Variants in RNF4 observed in about 807,000 individuals in gnomAD.
The protein encoded by RNF4 is E3 ubiquitin-protein ligase RNF4.
Under a neutral mutation model 24.3 loss-of-function variants are expected in RNF4, and 7 were observed. The ratio of observed to expected loss-of-function variants is 0.29; its 90% CI spans 0.16 to 0.54. RNF4 has a LOEUF of 0.54. RNF4 is among the 20% of genes least tolerant of loss of function. RNF4 has a pLI of 0.95. For synonymous variants in RNF4, 83 were observed against 84.3 expected (o/e 0.98, Z 0.09); for missense variants, 209 against 248.5 (o/e 0.84, Z 1.07).
chr4:2,500,683 C>G lies in RNF4; in HGVS notation c.149C>G (p.Thr50Ser), dbSNP rs1560410190. ...ETAGDEIVDL[T>S]CESLEPVVVD... ...GCTGGAGATGAAATTGTGGACCTCA[C>G]TTGTGAATCTTTAGAGCCTGTGGTG... The change falls in exon 4 of 8, where the codon ACT (threonine) becomes AGT (serine). Residue 50 changes from threonine (T) to serine (S), a missense_variant. Transcript: ENST00000314289. The G allele has an allele frequency of 6.2e-7, 1 of 1,613,888 alleles. No individual in the cohort carries two copies.
intron 1 of RNF4, among the ~76,000 whole-genome samples, chr4:2,476,606 C>G (rs1017590651): frequency 1.3e-5 from 2 of 152,084 alleles, no homozygotes; most frequent in Non-Finnish European, 2.9e-5. Context: ...GTTGGCCAGC[C>G]TGTCTCGAAC....
chr4:2,503,220 TC>T (rs1164704057), intron 4 of RNF4, among the ~76,000 whole-genome samples: 1 of 152,166 alleles, frequency 6.6e-6, no homozygotes, highest in African/African-American at 2.4e-5. Flanking sequence ...TAAAAGGGCT[TC>T]CTCTCTGAAC....
intron 1 of RNF4, among the ~76,000 whole-genome samples, chr4:2,472,550 G>C (rs1353893567): frequency 6.8e-6 from 1 of 147,404 alleles, no homozygotes; most frequent in Non-Finnish European, 1.5e-5. Flanking sequence ...TCAGGAGTTA[G>C]AGACCAGCCG....
At chr4:2,474,184 G>A (rs1305664789) in intron 1 of RNF4, among the ~76,000 whole-genome samples, 1 of 150,998 alleles carries the variant, frequency 6.6e-6, no homozygotes, top group African/African-American at 2.4e-5. Flanking sequence ...AACCATCCTG[G>A]CTAACACGGT....
chr4:2,474,056 G>A (rs1230967292), intron 1 of RNF4, among the ~76,000 whole-genome samples: 2 of 151,848 alleles, frequency 1.3e-5, no homozygotes, highest in African/African-American at 4.8e-5. Context: ...ACTCAAGCGT[G>A]GACAATAGAG....
chr4:2,500,749 G>C lies in RNF4; in HGVS notation c.204+11G>C. ...AATGACTCTGTTGTGGTAAGTGTTG[G>C]AGTGTGAGAGTCGGCTGTTTCTTGG... is the stretch of plus-strand genomic sequence containing the variant. On this transcript the variant is annotated intron_variant, in intron 4 of 7. Coordinates refer to ENST00000314289, the MANE Select transcript of RNF4 (RefSeq NM_002938.5). 1.2e-6 allele frequency: 2 copies of C among 1,613,298 alleles called. No homozygotes were observed. Among genetic ancestry groups the C allele is most frequent in the South Asian group, 1.1e-5 (1 of 90,944 alleles).
At chr4:2,483,514 G>A (rs1326640497) in intron 1 of RNF4, among the ~76,000 whole-genome samples, 1 of 152,212 alleles carries the variant, frequency 6.6e-6, no homozygotes, top group Non-Finnish European at 1.5e-5. Flanking sequence ...TGTTTAAGAG[G>A]TGTTTGTGAA....
rs777851085 is a variant in RNF4, at chr4:2,497,090, G to A, written c.93G>A (p.Leu31=). The change falls in exon 3 of 8, where the codon TTG becomes TTA. Residue 31 remains leucine, a synonymous_variant. Coordinates refer to ENST00000314289, the MANE Select transcript of RNF4 (RefSeq NM_002938.5). ...REATSTPEIS[L]EAEPIELVET... ...CAACCTCCACCCCCGAGATCTCCTT[G>A]GAAGCAGAACCCATAGAACTCGTGG... The A allele has an allele frequency of 3.1e-6, 5 of 1,609,372 alleles. No homozygotes were observed. In the Admixed American group the frequency reaches 5.1e-5, roughly 16 times the overall value.
At chr4:2,508,059 T>C (rs1736155661) in intron 4 of RNF4, among the ~76,000 whole-genome samples, 1 of 152,108 alleles carries the variant, frequency 6.6e-6, no homozygotes, top group Non-Finnish European at 1.5e-5. Flanking sequence ...TTGCCCAGGA[T>C]GGTCTCGACC....
At chr4:2,490,738 A>G (rs1420732111) in intron 2 of RNF4, 1 of 457,834 alleles carries the variant, frequency 2.2e-6, no homozygotes, top group African/African-American at 1.9e-5. Flanking sequence ...GGAATAGCTT[A>G]GGGTTTGGTA....
chr4:2,481,689 T>C (rs926423812), intron 1 of RNF4, among the ~76,000 whole-genome samples: 2 of 152,022 alleles, frequency 1.3e-5, no homozygotes, highest in Non-Finnish European at 2.9e-5. Context: ...GAGCCAGTGA[T>C]TTTTTTGACT....
intron 1 of RNF4, among the ~76,000 whole-genome samples, chr4:2,483,649 C>G (rs1438467607): frequency 6.6e-6 from 1 of 151,842 alleles, no homozygotes; most frequent in African/African-American, 2.4e-5. Flanking sequence ...ACTAAAAATA[C>G]AAAAATTAGC....
At chr4:2,504,880 G>A (rs1158430844) in intron 4 of RNF4, among the ~76,000 whole-genome samples, 4 of 151,454 alleles carry the variant, frequency 2.6e-5, no homozygotes, top group African/African-American at 4.9e-5. Flanking sequence ...CTACAGGCAC[G>A]CACCACCATG....
At chr4:2,509,597 C>T (rs1736207850) in intron 4 of RNF4, among the ~76,000 whole-genome samples, 1 of 152,078 alleles carries the variant, frequency 6.6e-6, no homozygotes, top group Non-Finnish European at 1.5e-5. Context: ...AGAATTGTTA[C>T]CAGTGAGGAA....
intron 4 of RNF4, among the ~76,000 whole-genome samples, chr4:2,502,843 CAAA>C (rs61616696): frequency 1.3e-4 from 17 of 130,742 alleles, no homozygotes; most frequent in South Asian, 2.5e-4. Flanking sequence ...GACTCTGTCT[CAAA>C]AAAAAAAAAA....
chr4:2,472,022 G>C (rs1734923029), intron 1 of RNF4, among the ~76,000 whole-genome samples: 1 of 152,138 alleles, frequency 6.6e-6, no homozygotes, highest in South Asian at 2.1e-4. Flanking sequence ...AAATGAAACA[G>C]CCTTATATGG....
intron 4 of RNF4, among the ~76,000 whole-genome samples, chr4:2,502,683 A>AG (rs1178835653): frequency 6.6e-6 from 1 of 151,232 alleles, no homozygotes; most frequent in Non-Finnish European, 1.5e-5. Flanking sequence ...AAAAAAAAAA[A>AG]AAATACAAAA....
intron 1 of RNF4, among the ~76,000 whole-genome samples, chr4:2,490,101 C>T (rs1735536313): frequency 6.6e-6 from 1 of 151,970 alleles, no homozygotes; most frequent in Admixed American, 6.6e-5. Flanking sequence ...GTGGCAGGAG[C>T]CAGGAAGAAG....
At chr4:2,478,257 A>G (rs1209130299) in intron 1 of RNF4, among the ~76,000 whole-genome samples, 1 of 152,252 alleles carries the variant, frequency 6.6e-6, no homozygotes, top group African/African-American at 2.4e-5. Context: ...GAAGCAGAGC[A>G]TAAAAGTTTG....
Sources: gnomAD v4.1 joint callset for allele counts (sites outside exome capture counted in the v4.1 genomes callset) on GRCh38, gnomAD v4.1.1 for gene constraint, MANE v1.5 for transcripts, NCBI Gene and HGNC (gene_info 2026-07-23, HGNC 2026-07-21) for gene names.